The following MACF1 variants were observed in gnomAD, a reference collection of about 807,000 sequenced individuals.
MACF1 encodes the protein microtubule-actin cross-linking factor 1.
MACF1 carries 193 observed loss-of-function variants against 854.8 expected under a neutral mutation model. The ratio of observed to expected loss-of-function variants is 0.23; its 90% CI spans 0.20 to 0.25. The LOEUF is 0.25. Among genes scored for constraint, MACF1 ranks in the 10% least tolerant of loss-of-function variants. MACF1 has a pLI of 1.00. For missense variants in MACF1, 7,722 were observed against 8,929.1 expected (o/e 0.86, Z 5.45); for synonymous variants, 3,185 against 3,226.7 (o/e 0.99, Z 0.44).
chr1:39,168,641 T>C (rs968241263), intron 2 of MACF1, among the ~76,000 whole-genome samples: 11 of 151,992 alleles, frequency 7.2e-5, no homozygotes, highest in African/African-American at 2.7e-4. Context: ...CTCAAATCTG[T>C]GTTTCTACAT....
At chr1:39,399,428 G>T (rs1244285500) in intron 58 of MACF1, among the ~76,000 whole-genome samples, 1 of 142,136 alleles carries the variant, frequency 7.0e-6, no homozygotes, top group African/African-American at 2.7e-5. Context: ...AGGCTGGAGT[G>T]CAGTGGTGCG....
chr1:39,214,901 G>A (rs1644557705), intron 1 of MACF1, among the ~76,000 whole-genome samples: 1 of 152,136 alleles, frequency 6.6e-6, no homozygotes, highest in African/African-American at 2.4e-5. Context: ...TCCTGACTTG[G>A]CAGTAAACCA....
rs1475359832 is a variant in MACF1, at chr1:39,427,651, G to A, written c.16476+37G>A. Reference sequence around the variant, plus strand: ...TTACAGTAAATGAAAATAGAAAACTGGAATTAGAAATCCTAGAAATGAGTA... The same window carrying A: ...TTACAGTAAATGAAAATAGAAAACTAGAATTAGAAATCCTAGAAATGAGTA... On this transcript the variant is annotated intron_variant, in intron 62 of 100. Coordinates refer to ENST00000564288, the MANE Select transcript of MACF1 (RefSeq NM_001394062.1). 5 of 1,589,040 alleles carry A rather than the reference G, an allele frequency of 3.1e-6. No homozygotes were observed. In the East Asian group the frequency reaches 1.1e-4, roughly 36 times the overall value.
rs1403601347 is a variant in MACF1 at position 39,333,268 on chromosome 1, AG to A, written c.6682del (p.Glu2228LysfsTer3). ...GGGAATGTTCATCCTCTGGACAAAA[AG>A]GAAATGTTAAAGAAAACATTTCTGG... ...TDGNVHPLDK[K>X]EMLKKTFLAK... On this transcript the variant is annotated frameshift_variant, in exon 37 of 101. Transcript: ENST00000564288. LOFTEE classifies it high-confidence loss of function. 10 of 1,613,982 alleles carry A rather than the reference AG, an allele frequency of 6.2e-6. No homozygotes were observed. The highest frequency in any genetic ancestry group is 8.5e-6 in the Non-Finnish European group (10 of 1,180,032).
At chr1:39,183,077 A>G (rs1644124989) in intron 2 of MACF1, among the ~76,000 whole-genome samples, 1 of 152,226 alleles carries the variant, frequency 6.6e-6, no homozygotes, top group Admixed American at 6.5e-5. Flanking sequence ...TGAGAACATT[A>G]GACTAAGTGA....
intron 58 of MACF1, among the ~76,000 whole-genome samples, chr1:39,390,738 A>G (rs968089829): frequency 6.6e-6 from 1 of 152,204 alleles, no homozygotes; most frequent in Non-Finnish European, 1.5e-5. Context: ...CATCCAGGCT[A>G]TTTAGAATTA....
chr1:39,349,014 C>T (rs933984250), intron 41 of MACF1, among the ~76,000 whole-genome samples: 2 of 152,086 alleles, frequency 1.3e-5, no homozygotes, highest in East Asian at 1.9e-4. Flanking sequence ...TTAAGAAGCT[C>T]GATTAACTTA....
chr1:39,218,178 G>A (rs1190448898), intron 1 of MACF1, among the ~76,000 whole-genome samples: 24 of 65,310 alleles, frequency 3.7e-4, no homozygotes, highest in African/African-American at 1.3e-3. Flanking sequence ...GCGAGACTCC[G>A]TCTCAAAAAA....
At chr1:39,109,601 C>T (rs1642341643) in intron 2 of MACF1, among the ~76,000 whole-genome samples, 1 of 151,826 alleles carries the variant, frequency 6.6e-6, no homozygotes. Context: ...TCTTTTCTCT[C>T]CTTTTTTTTT....
intron 6 of MACF1, among the ~76,000 whole-genome samples, chr1:39,265,101 A>G (rs1645215779): frequency 6.6e-6 from 1 of 152,290 alleles, no homozygotes; most frequent in Admixed American, 6.5e-5. Flanking sequence ...CCAACCCTCA[A>G]ATGTTTGTTA....
intron 87 of MACF1, among the ~76,000 whole-genome samples, chr1:39,453,253 T>G (rs1644372289): frequency 6.6e-6 from 1 of 152,190 alleles, no homozygotes; most frequent in African/African-American, 2.4e-5. Flanking sequence ...CTTTTTAAAT[T>G]TTTATGTTAT....
At position 39,379,121 on chromosome 1, in the gene MACF1, A is replaced by T. The variant is rs1019787784; in HGVS notation, c.13277-82A>T. On this transcript the variant is annotated intron_variant, in intron 53 of 100. Transcript: ENST00000564288. ...TAATTCACTAGAAGGAGTAAGAGAG[A>T]TGCAAGTAATTTAGGAGTGAGGAGT... 2.2e-6 allele frequency: 3 copies of T among 1,365,550 alleles called. No individual in the cohort carries two copies. The African/African-American group carries it at 4.4e-5, about 20-fold the overall frequency. 84.6% of individuals were successfully genotyped at this position (1,365,550 alleles called of 1,614,324 possible).
chr1:39,182,540 A>G (rs1644118504), intron 2 of MACF1, among the ~76,000 whole-genome samples: 1 of 152,208 alleles, frequency 6.6e-6, no homozygotes, highest in African/African-American at 2.4e-5. Context: ...AAAAATGGGC[A>G]AAGGATTTAT....
At chr1:39,236,665 CT>C (rs971882029) in intron 2 of MACF1, among the ~76,000 whole-genome samples, 20 of 151,846 alleles carry the variant, frequency 1.3e-4, no homozygotes, top group Non-Finnish European at 2.6e-4. Context: ...TTGTAATTTC[CT>C]TTTTTTTCTT....
At chr1:39,377,707 G>A (rs936850191) in intron 52 of MACF1, among the ~76,000 whole-genome samples, 2 of 152,102 alleles carry the variant, frequency 1.3e-5, no homozygotes, top group Non-Finnish European at 2.9e-5. Flanking sequence ...TTTATTAGAA[G>A]AAGGCTGCTT....
intron 57 of MACF1, 59 bp downstream of exon 57, chr1:39,385,988 TG>T (rs1641756767): frequency 2.0e-6 from 3 of 1,533,618 alleles, no homozygotes; most frequent in Non-Finnish European, 2.6e-6. Context: ...AAAGAAGGAA[TG>T]GGTTAGGAGT....
rs932421160 is a variant in MACF1, at chr1:39,197,825, G to A, written c.221-33357G>A. On this transcript the variant is annotated intron_variant, in intron 2 of 93. Coordinates refer to the MACF1 transcript ENST00000361689. ...TGCTTGAGCCTAGGAGTTCAAGGCT[G>A]TAGTGAGCTATGATCACACCACTGC... 5.9e-5 allele frequency among the ~76,000 whole-genome samples: 9 copies of A among 152,324 alleles called. No homozygotes were observed. The South Asian group carries it at 6.2e-4, about 11-fold the overall frequency.
chr1:39,174,266 C>A (rs999524394), intron 2 of MACF1, among the ~76,000 whole-genome samples: 1 of 152,098 alleles, frequency 6.6e-6, no homozygotes, highest in African/African-American at 2.4e-5. Flanking sequence ...TAGAGTTTTG[C>A]AACTATAAAA....
At position 39,283,470 on chromosome 1, in the gene MACF1, T is replaced by C. The variant is rs866144355; in HGVS notation, c.870T>C (p.Asp290=). ...SVITYVSSIY[D]AFPKVPEGGE... ...TCACTTATGTGTCTTCGATTTATGA[T>C]GCCTTCCCTAAAGTTCCTGAGGGTG... is the stretch of plus-strand genomic sequence containing the variant. Residue 290 remains aspartate, a synonymous_variant, in exon 9 of 101, where the codon GAT becomes GAC. Coordinates refer to ENST00000564288, the MANE Select transcript of MACF1 (RefSeq NM_001394062.1). This position sits in a 1 kb window ranked among gnomAD's most constrained non-coding sequence, Gnocchi z 4.5. 2 of 1,612,944 alleles carry C rather than the reference T, an allele frequency of 1.2e-6. No homozygotes were observed. The highest frequency in any genetic ancestry group is 3.3e-4 in the Middle Eastern group (2 of 6,056).
Sources: allele counts gnomAD v4.1 joint callset (sites outside exome capture counted in the v4.1 genomes callset), GRCh38; gene constraint gnomAD v4.1.1; non-coding constraint Gnocchi (gnomAD v3.1); transcripts MANE v1.5; gene names NCBI Gene and HGNC (gene_info 2026-07-23, HGNC 2026-07-21).